Variants in POT1 observed in about 807,000 individuals in gnomAD.
POT1 encodes the protein protection of telomeres 1.
In POT1, 47 loss-of-function variants were observed where a neutral mutation model predicts 78.5. That is an observed-to-expected ratio of 0.60 (90% CI 0.47 to 0.76). POT1 has a LOEUF of 0.76. Among genes scored for constraint, POT1 ranks in the 30% least tolerant of loss-of-function variants. The pLI is 0.00. For missense variants in POT1, 646 were observed against 749.9 expected (o/e 0.86, Z 1.62); for synonymous variants, 259 against 260.7 (o/e 0.99, Z 0.06).
chr7:124,917,563 C>T (rs370053487), intron 2 of POT1, among the ~76,000 whole-genome samples: 2 of 152,096 alleles, frequency 1.3e-5, no homozygotes, highest in Admixed American at 6.6e-5. Context: ...CTCCACAAGA[C>T]GTACAGCTTT....
chr7:124,859,835 G>T (rs558727005), intron 8 of POT1, among the ~76,000 whole-genome samples: 1 of 150,104 alleles, frequency 6.7e-6, no homozygotes, highest in South Asian at 2.1e-4. Context: ...TGAGAGTATT[G>T]CTCAGAAAAA....
intron 2 of POT1, among the ~76,000 whole-genome samples, chr7:124,916,772 A>G (rs1474694384): frequency 6.6e-6 from 1 of 152,186 alleles, no homozygotes; most frequent in Non-Finnish European, 1.5e-5. Flanking sequence ...TGGTGCAATG[A>G]AAACACATGG....
intron 9 of POT1, among the ~76,000 whole-genome samples, chr7:124,855,218 C>CAAAAAAAAAAAAAAAAAAAAAAAA: frequency 1.9e-5 from 1 of 52,494 alleles, no homozygotes; most frequent in Non-Finnish European, 3.4e-5. Context: ...GAGAGGAGAG[C>CAAAAAAAAAAAAAAAAAAAAAAAA]AAAAAAAAAA....
At chr7:124,881,285 A>T (rs370368695) in intron 6 of POT1, among the ~76,000 whole-genome samples, 1 of 152,142 alleles carries the variant, frequency 6.6e-6, no homozygotes, top group African/African-American at 2.4e-5. Flanking sequence ...AGTGCCACGT[A>T]TCAGGTTTCT....
chr7:124,869,067 C>T (rs918690838), intron 7 of POT1, among the ~76,000 whole-genome samples: 4 of 151,994 alleles, frequency 2.6e-5, no homozygotes, highest in African/African-American at 9.7e-5. Context: ...TATAGTAGTA[C>T]AGTTAATTTT....
intron 6 of POT1, among the ~76,000 whole-genome samples, chr7:124,880,462 G>A (rs1056241996): frequency 1.3e-5 from 2 of 152,036 alleles, no homozygotes; most frequent in Admixed American, 6.6e-5. Flanking sequence ...TGTTTAAATA[G>A]TTTAATGTTA....
intron 8 of POT1, 114 bp downstream of exon 8, chr7:124,863,236 A>G: frequency 9.9e-7 from 1 of 1,005,918 alleles, no homozygotes; most frequent in African/African-American, 1.6e-5. Context: ...TTAAAATTTA[A>G]GTTCCTAGTA....
In POT1 at chr7:124,822,656, A is replaced by T; in HGVS notation, c.*1306T>A. 2.6e-6 allele frequency: 1 copy of T among 384,852 alleles called. No homozygotes were observed. Among genetic ancestry groups the T allele is most frequent in the South Asian group, 1.8e-5 (1 of 54,934 alleles). 23.8% of individuals were successfully genotyped at this position (384,852 alleles called of 1,614,324 possible). A position where few individuals can be genotyped will look rare whatever the true frequency, so the allele number is the denominator to read the frequency against. On this transcript the variant is annotated 3_prime_UTR_variant, in exon 19 of 19. Transcript: ENST00000357628. ...GGGTTTTAAAATATTTTTCCTGAAA[A>T]TGTTTTGAACCAAGAGTCTATATTC... is the stretch of plus-strand genomic sequence containing the variant.
At chr7:124,848,618 G>A (rs761581872) in intron 11 of POT1, 6 of 202,808 alleles carry the variant, frequency 3.0e-5, no homozygotes, top group East Asian at 1.9e-4. Flanking sequence ...AGCCGAGACC[G>A]TGCCACTGAA....
chr7:124,917,353 G>A (rs1017672684), intron 2 of POT1, among the ~76,000 whole-genome samples: 5 of 152,068 alleles, frequency 3.3e-5, no homozygotes, highest in Admixed American at 6.6e-5. Flanking sequence ...AAATCCTCTC[G>A]TCAACCATCT....
At chr7:124,859,775 CT>C (rs1795541429) in intron 8 of POT1, among the ~76,000 whole-genome samples, 2 of 147,898 alleles carry the variant, frequency 1.4e-5, no homozygotes, top group Non-Finnish European at 3.0e-5. Context: ...CGCACCAATA[CT>C]GTAGATATTA....
chr7:124,853,854 TGA>T lies in POT1; in HGVS notation c.703-718_703-717del, dbSNP rs375742102. The stretch of plus-strand genomic sequence containing the variant: ...TTTTTCTTTTAATGGAGATTTCAAA[TGA>T]GAGAGATGCAGAATGCTATTCAAAG... On this transcript the variant is annotated intron_variant, in intron 9 of 18. Transcript: ENST00000357628. Among the ~76,000 whole-genome samples the T allele has an allele frequency of 3.9e-5, 6 of 152,146 alleles. No individual in the cohort carries two copies. The East Asian group carries it at 1.2e-3, about 29-fold the overall frequency.
intron 6 of POT1, among the ~76,000 whole-genome samples, chr7:124,875,124 G>A (rs1795958947): frequency 6.6e-6 from 1 of 151,886 alleles, no homozygotes; most frequent in Non-Finnish European, 1.5e-5. Context: ...CTTTGCTAGT[G>A]GTCTTCCAAA....
At chr7:124,910,303 A>C (rs1392982188) in intron 3 of POT1, among the ~76,000 whole-genome samples, 5 of 151,972 alleles carry the variant, frequency 3.3e-5, no homozygotes, top group Admixed American at 3.3e-4. Context: ...TGTCAAGTCC[A>C]TAATACTACC....
chr7:124,849,808 A>G (rs1562986008), intron 11 of POT1, among the ~76,000 whole-genome samples: 1 of 152,166 alleles, frequency 6.6e-6, no homozygotes, highest in South Asian at 2.1e-4. Flanking sequence ...CCAGAAAAAA[A>G]GATCTATAAT....
intron 12 of POT1, among the ~76,000 whole-genome samples, chr7:124,845,043 C>T (rs927967251): frequency 7.2e-5 from 11 of 152,100 alleles, no homozygotes; most frequent in African/African-American, 2.7e-4. Context: ...GACATTATGC[C>T]TCCTTTCCTC....
intron 5 of POT1, among the ~76,000 whole-genome samples, chr7:124,894,075 G>A (rs186333349): frequency 2.0e-5 from 3 of 151,614 alleles, no homozygotes; most frequent in Admixed American, 2.0e-4. Flanking sequence ...ACTAAATAAA[G>A]CCTTAAAGGG....
intron 11 of POT1, among the ~76,000 whole-genome samples, chr7:124,847,689 T>A (rs1019184546): frequency 1.3e-5 from 2 of 152,208 alleles, no homozygotes; most frequent in African/African-American, 2.4e-5. Context: ...GGTACTGGCA[T>A]CAGGATTGAA....
intron 7 of POT1, among the ~76,000 whole-genome samples, chr7:124,867,433 C>T (rs1795755526): frequency 6.6e-6 from 1 of 152,050 alleles, no homozygotes; most frequent in Non-Finnish European, 1.5e-5. Context: ...TGCAACACCT[C>T]CCCCATGGCT....
Sources: allele counts gnomAD v4.1 joint callset (sites outside exome capture counted in the v4.1 genomes callset), GRCh38; gene constraint gnomAD v4.1.1; transcripts MANE v1.5; gene names NCBI Gene and HGNC (gene_info 2026-07-23, HGNC 2026-07-21).